ENTREP2: variants seen among roughly 807,000 people sequenced by gnomAD.
ENTREP2 encodes endosomal transmembrane epsin interactor 2.
At chr15:29,428,439 T>C in the ENTREP2 span, among the ~76,000 whole-genome samples, 1 of 152,068 alleles carries the variant, frequency 6.6e-6, no homozygotes, top group Non-Finnish European at 1.5e-5. Flanking sequence ...GGTCTTGAAC[T>C]CCTGACCTCA....
At chr15:29,448,980 G>A in the ENTREP2 span, among the ~76,000 whole-genome samples, 2 of 152,128 alleles carry the variant, frequency 1.3e-5, no homozygotes, top group South Asian at 4.2e-4. Flanking sequence ...TGGCCTGAAG[G>A]TCTCCAGCCT....
At chr15:29,635,311 GTTCA>G in the ENTREP2 span, among the ~76,000 whole-genome samples, 1 of 152,164 alleles carries the variant, frequency 6.6e-6, no homozygotes, top group Non-Finnish European at 1.5e-5. Context: ...CCAGCAGTCA[GTTCA>G]TTCATGTGCA....
At chr15:29,481,307 G>T in the ENTREP2 span, among the ~76,000 whole-genome samples, 12 of 152,286 alleles carry the variant, frequency 7.9e-5, no homozygotes, top group African/African-American at 2.9e-4. Context: ...TCTGGGGGTG[G>T]GGCCTGAGAC....
At chr15:29,425,511 T>C in the ENTREP2 span, among the ~76,000 whole-genome samples, 1 of 152,218 alleles carries the variant, frequency 6.6e-6, no homozygotes, top group Non-Finnish European at 1.5e-5. Context: ...TGTTTGCCAA[T>C]AGTATCTATC....
At chr15:29,334,678 A>C in the ENTREP2 span, among the ~76,000 whole-genome samples, 1 of 152,202 alleles carries the variant, frequency 6.6e-6, no homozygotes, top group Non-Finnish European at 1.5e-5. Context: ...AGTGGAGTCT[A>C]ATTCCTAGCC....
chr15:29,252,025 C>A, the ENTREP2 span, among the ~76,000 whole-genome samples: 1 of 152,122 alleles, frequency 6.6e-6, no homozygotes, highest in East Asian at 1.9e-4. Context: ...TTTAAAAATT[C>A]AATACAAATA....
the ENTREP2 span, among the ~76,000 whole-genome samples, chr15:29,270,338 C>G: frequency 2.6e-4 from 39 of 152,320 alleles, no homozygotes; most frequent in African/African-American, 8.7e-4. Context: ...AGGCTTTCTG[C>G]GCAAGCAGGA....
chr15:29,264,154 C>CAAAAAAAAATAAA, the ENTREP2 span, among the ~76,000 whole-genome samples: 1 of 69,058 alleles, frequency 1.4e-5, no homozygotes, highest in East Asian at 4.5e-4. Flanking sequence ...GACTCCGTCT[C>CAAAAAAAAATAAA]AAAAAAAAAA....
chr15:29,438,771 A>C, the ENTREP2 span, among the ~76,000 whole-genome samples: 4 of 152,134 alleles, frequency 2.6e-5, no homozygotes, highest in Non-Finnish European at 5.9e-5. Context: ...CGCAGATCTC[A>C]CTGGTCTTTT....
the ENTREP2 span, among the ~76,000 whole-genome samples, chr15:29,578,483 G>A: frequency 3.9e-5 from 6 of 152,130 alleles, no homozygotes; most frequent in African/African-American, 1.4e-4. Context: ...ACTTGTCTTT[G>A]TTCGTTAGGT....
chr15:29,407,582 C>G, the ENTREP2 span, among the ~76,000 whole-genome samples: 1 of 152,122 alleles, frequency 6.6e-6, no homozygotes, highest in African/African-American at 2.4e-5. Flanking sequence ...CATAGTGCAC[C>G]AGGCCAGGGC....
chr15:29,567,877 G>A, the ENTREP2 span, among the ~76,000 whole-genome samples: 1 of 152,148 alleles, frequency 6.6e-6, no homozygotes, highest in Non-Finnish European at 1.5e-5. Flanking sequence ...AGAGCACATA[G>A]GTCTCATTTT....
At chr15:29,582,418 TA>T in the ENTREP2 span, among the ~76,000 whole-genome samples, 3 of 151,622 alleles carry the variant, frequency 2.0e-5, no homozygotes, top group Non-Finnish European at 2.9e-5. Context: ...ATAAACACAA[TA>T]AATAAAAACC....
the ENTREP2 span, among the ~76,000 whole-genome samples, chr15:29,615,655 G>C: frequency 6.6e-6 from 1 of 152,090 alleles, no homozygotes; most frequent in Admixed American, 6.5e-5. Flanking sequence ...AAGATGAGAG[G>C]GGATGGGGCA....
At chr15:29,384,329 G>A in the ENTREP2 span, among the ~76,000 whole-genome samples, 112 of 152,066 alleles carry the variant, frequency 7.4e-4, no homozygotes, top group Middle Eastern at 6.8e-3. Flanking sequence ...GGGCCACTCC[G>A]TCACTAAGCA....
the ENTREP2 span, chr15:29,195,357 A>G: frequency 2.0e-6 from 2 of 982,420 alleles, no homozygotes; most frequent in South Asian, 9.4e-5. Context: ...CAAGCACTCA[A>G]GGTCAACGCT....
At chr15:29,490,350 G>C in the ENTREP2 span, among the ~76,000 whole-genome samples, 1 of 152,232 alleles carries the variant, frequency 6.6e-6, no homozygotes, top group Non-Finnish European at 1.5e-5. Flanking sequence ...GCAGTGGCAA[G>C]ATTTACCGCA....
At chr15:29,355,457 T>C in the ENTREP2 span, among the ~76,000 whole-genome samples, 364 of 151,408 alleles carry the variant, frequency 2.4e-3, 2 homozygotes, top group Non-Finnish European at 4.2e-3. Context: ...AAGTTTAAAT[T>C]TGAGAAGCAT....
chr15:29,132,121 A>G, the ENTREP2 span, among the ~76,000 whole-genome samples: 2 of 152,040 alleles, frequency 1.3e-5, no homozygotes, highest in African/African-American at 4.8e-5. Context: ...CTCTTTATCC[A>G]AACTGAGGCC....
Sources: gnomAD v4.1 joint callset for allele counts (sites outside exome capture counted in the v4.1 genomes callset) on GRCh38, gnomAD v4.1.1 for gene constraint, MANE v1.5 for transcripts, NCBI Gene and HGNC (gene_info 2026-07-23, HGNC 2026-07-21) for gene names.